ARK2N: variants seen among roughly 807,000 people sequenced by gnomAD.
The protein encoded by ARK2N is protein ARK2N.
the ARK2N span, among the ~76,000 whole-genome samples, chr18:46,189,212 C>CAAAAAA: frequency 1.0e-3 from 89 of 86,868 alleles, 4 homozygotes; most frequent in African/African-American, 4.2e-3. Context: ...GAGACTGTCT[C>CAAAAAA]AAAAAAAAAA....
chr18:46,210,887 G>A, the ARK2N span, among the ~76,000 whole-genome samples: 1 of 151,560 alleles, frequency 6.6e-6, no homozygotes, highest in Non-Finnish European at 1.5e-5. Flanking sequence ...TTCCAGCCTG[G>A]GCGACAGAGT....
At chr18:46,249,192 G>A in the ARK2N span, among the ~76,000 whole-genome samples, 37 of 152,044 alleles carry the variant, frequency 2.4e-4, no homozygotes, top group African/African-American at 8.4e-4. Context: ...GGCTCTCAGC[G>A]CTTCCCAGAA....
the ARK2N span, among the ~76,000 whole-genome samples, chr18:46,247,191 GAC>G: frequency 2.6e-5 from 4 of 151,500 alleles, no homozygotes; most frequent in African/African-American, 7.3e-5. Context: ...TTTTTTAAAA[GAC>G]AGTATAAAAT....
the ARK2N span, chr18:46,217,955 C>G: frequency 6.6e-6 from 1 of 151,956 alleles, no homozygotes; most frequent in Non-Finnish European, 1.5e-5. Flanking sequence ...TTAAAAAAAC[C>G]TTATTAATAC....
chr18:46,199,667 G>A, the ARK2N span, among the ~76,000 whole-genome samples: 1 of 151,916 alleles, frequency 6.6e-6, no homozygotes, highest in African/African-American at 2.4e-5. Flanking sequence ...TTTGGAGAGT[G>A]GCCATTTTGT....
the ARK2N span, among the ~76,000 whole-genome samples, chr18:46,234,553 G>A: frequency 6.9e-6 from 1 of 145,516 alleles, no homozygotes; most frequent in African/African-American, 2.5e-5. Flanking sequence ...TAATAAAACT[G>A]CTTTTTTTTT....
At chr18:46,189,981 C>T in the ARK2N span, among the ~76,000 whole-genome samples, 4 of 146,056 alleles carry the variant, frequency 2.7e-5, no homozygotes, top group South Asian at 2.1e-4. Context: ...TTGTGTAGCA[C>T]GATCTAGTCT....
chr18:46,200,003 C>T, the ARK2N span, among the ~76,000 whole-genome samples: 2 of 152,074 alleles, frequency 1.3e-5, no homozygotes, highest in Non-Finnish European at 2.9e-5. Context: ...TCTGTCTCAC[C>T]TGCGGCCCTG....
At chr18:46,227,722 T>A in the ARK2N span, among the ~76,000 whole-genome samples, 2 of 151,932 alleles carry the variant, frequency 1.3e-5, no homozygotes, top group African/African-American at 4.8e-5. Context: ...CTCAGCCTCC[T>A]AAGTAGTTGG....
At chr18:46,197,533 C>G in the ARK2N span, among the ~76,000 whole-genome samples, 1 of 152,224 alleles carries the variant, frequency 6.6e-6, no homozygotes, top group Non-Finnish European at 1.5e-5. Context: ...CACGCCTAGC[C>G]AAAGTCTTCT....
chr18:46,215,365 G>GT, the ARK2N span, among the ~76,000 whole-genome samples: 1 of 152,196 alleles, frequency 6.6e-6, no homozygotes, highest in Admixed American at 6.6e-5. Context: ...TTTCTCTATT[G>GT]TAACTCCCCT....
the ARK2N span, among the ~76,000 whole-genome samples, chr18:46,219,660 C>T: frequency 6.6e-5 from 10 of 151,864 alleles, no homozygotes; most frequent in Middle Eastern, 3.2e-3. Context: ...TTAGTAGAGA[C>T]GGGGTTTCAC....
At chr18:46,239,757 A>G in the ARK2N span, among the ~76,000 whole-genome samples, 1 of 152,146 alleles carries the variant, frequency 6.6e-6, no homozygotes, top group African/African-American at 2.4e-5. Flanking sequence ...ATTGTTGAGT[A>G]TAGTCTTGTC....
the ARK2N span, chr18:46,228,808 C>T: frequency 4.5e-5 from 18 of 398,478 alleles, no homozygotes; most frequent in Admixed American, 3.1e-4. Context: ...TGGGCTTAAG[C>T]GATCTGCACA....
the ARK2N span, among the ~76,000 whole-genome samples, chr18:46,258,924 A>T: frequency 6.6e-6 from 1 of 152,064 alleles, no homozygotes; most frequent in Non-Finnish European, 1.5e-5. Flanking sequence ...TATCTGGTAT[A>T]AATTTTTGTG....
the ARK2N span, among the ~76,000 whole-genome samples, chr18:46,228,576 A>G: frequency 6.6e-6 from 1 of 152,120 alleles, no homozygotes; most frequent in Admixed American, 6.6e-5. Flanking sequence ...GGAATTAACA[A>G]ACATAGGTAG....
the ARK2N span, among the ~76,000 whole-genome samples, chr18:46,195,617 C>T: frequency 7.7e-6 from 1 of 129,898 alleles, no homozygotes. Context: ...TGCTCTGTCA[C>T]CCAGGCTGGA....
the ARK2N span, among the ~76,000 whole-genome samples, chr18:46,206,898 T>A: frequency 6.6e-6 from 1 of 152,096 alleles, no homozygotes; most frequent in Non-Finnish European, 1.5e-5. Flanking sequence ...CACCTCAGCC[T>A]CCCAAGTAGC....
chr18:46,191,688 T>G, the ARK2N span, among the ~76,000 whole-genome samples: 2 of 152,160 alleles, frequency 1.3e-5, no homozygotes, highest in African/African-American at 4.8e-5. Context: ...CCAAAGTTCA[T>G]AGGTTATATA....
Sources: allele counts gnomAD v4.1 joint callset (sites outside exome capture counted in the v4.1 genomes callset), GRCh38; gene constraint gnomAD v4.1.1; transcripts MANE v1.5; gene names NCBI Gene and HGNC (gene_info 2026-07-23, HGNC 2026-07-21).